GEN1: variants seen among roughly 807,000 people sequenced by gnomAD.
GEN1 encodes the protein GEN1 structure-specific endonuclease.
Under a neutral mutation model 67.6 loss-of-function variants are expected in GEN1, and 64 were observed. The ratio of observed to expected loss-of-function variants is 0.95; its 90% CI spans 0.77 to 1.17. The LOEUF (loss-of-function observed/expected upper bound fraction) is 1.17. Ranked by LOEUF, GEN1 falls within the 50% of genes most tolerant of loss-of-function variation. GEN1 has a pLI of 0.00. For missense variants in GEN1, 1,058 were observed against 1,048.3 expected, an observed-to-expected ratio of 1.01 and a Z score of -0.13; for synonymous variants, 371 against 359.4, an observed-to-expected ratio of 1.03 and a Z score of -0.37.
chr2:17,761,330 T>C, intron 2 of GEN1, 66 bp from the exon 3 acceptor site: 1 of 834,560 alleles, frequency 1.2e-6, no homozygotes, highest in Non-Finnish European at 1.9e-6. Context: ...TGCCTTTGTG[T>C]TATACTATTT....
At position 17,788,400 on chromosome 2, in the gene GEN1, C is replaced by G. The variant is rs915077713; in HGVS notation, c.*6461C>G. On this transcript the variant is annotated 3_prime_UTR_variant, in exon 14 of 14. Transcript: ENST00000381254. ...TTCAAAATGGATAGTTTAGTTAGCC[C>G]CAGGCCAGATAAATTCACTAAGTTG... The G allele has an allele frequency of 3.3e-5, 5 of 152,142 alleles. No individual in the cohort carries two copies. Among genetic ancestry groups the G allele is most frequent in the Non-Finnish European group, 7.3e-5 (5 of 68,030 alleles). The allele number at this position is 152,142 out of a possible 1,614,324, so 9.4% of individuals were successfully genotyped here.
intron 5 of GEN1, among the ~76,000 whole-genome samples, chr2:17,767,384 C>T (rs768016719): frequency 2.7e-4 from 41 of 152,100 alleles, no homozygotes; most frequent in Non-Finnish European, 3.7e-4. Context: ...CGTCATTTTA[C>T]CTCTATTCCC....
intron 6 of GEN1, 81 bp from the exon 7 acceptor site, chr2:17,771,115 A>T: frequency 1.2e-6 from 1 of 826,498 alleles, no homozygotes; most frequent in African/African-American, 1.7e-5. Flanking sequence ...GAAAGGGAAT[A>T]GATCAGCCTG....
intron 10 of GEN1, 26 bp from the exon 11 acceptor site, chr2:17,774,245 T>G (rs757921003): frequency 7.4e-7 from 1 of 1,348,492 alleles, no homozygotes; most frequent in Admixed American, 2.3e-5. Context: ...TAACAAAATC[T>G]TGTTTTATTT....
At chr2:17,772,496 A>G (rs1672237027) in intron 7 of GEN1, 138 bp from the exon 8 acceptor site, 2 of 593,404 alleles carry the variant, frequency 3.4e-6, no homozygotes, top group Non-Finnish European at 5.7e-6. Flanking sequence ...TCCTAAATGT[A>G]TTGAAACCTT....
chr2:17,779,350 A>T (rs1187483059), intron 12 of GEN1, among the ~76,000 whole-genome samples: 1 of 152,234 alleles, frequency 6.6e-6, no homozygotes, highest in Non-Finnish European at 1.5e-5. Context: ...CACTTAACTG[A>T]ATTAAACCAA....
intron 12 of GEN1, among the ~76,000 whole-genome samples, chr2:17,779,157 A>G (rs570272955): frequency 6.6e-6 from 1 of 152,332 alleles, no homozygotes; most frequent in East Asian, 1.9e-4. Context: ...CCCTGACCTC[A>G]GGTGTTCCAC....
chr2:17,755,832 C>T (rs1671409881), intron 1 of GEN1: 1 of 152,176 alleles, frequency 6.6e-6, no homozygotes, highest in Non-Finnish European at 1.5e-5. Context: ...GTGTTTTTCT[C>T]ACCTCATTCA....
rs770412900 is a variant in GEN1, at chr2:17,771,157, AT to A, written c.711-31del. 4.0e-5 allele frequency: 50 copies of A among 1,239,390 alleles called. No individual in the cohort carries two copies. The Admixed American group carries it at 4.1e-4, about 10-fold the overall frequency. 76.8% of individuals were successfully genotyped at this position (1,239,390 alleles called of 1,614,324 possible). A position where few individuals can be genotyped will look rare whatever the true frequency, so the allele number is the denominator to read the frequency against. On this transcript the variant is annotated intron_variant, in intron 6 of 13. Coordinates refer to ENST00000381254, the MANE Select transcript of GEN1 (RefSeq NM_001130009.3). Reference sequence around the variant, plus strand: ...GAGAACATACCGTTTTTGTGACCTCATTTTTTTTCCTTTTTTTAAAAACCAC... The same window carrying A: ...GAGAACATACCGTTTTTGTGACCTCATTTTTTTCCTTTTTTTAAAAACCAC...
At chr2:17,772,374 CTAAT>C (rs1387940020) in intron 7 of GEN1, among the ~76,000 whole-genome samples, 3 of 151,994 alleles carry the variant, frequency 2.0e-5, no homozygotes, top group African/African-American at 7.2e-5. Context: ...TTTCAAGTGT[CTAAT>C]TAACACTTTC....
chr2:17,756,022 T>C (rs1671419487), intron 1 of GEN1, among the ~76,000 whole-genome samples: 1 of 152,234 alleles, frequency 6.6e-6, no homozygotes. Flanking sequence ...CAATACTTTC[T>C]GAAATAGAGT....
chr2:17,778,642 A>G (rs947020432), intron 12 of GEN1, among the ~76,000 whole-genome samples: 12 of 152,258 alleles, frequency 7.9e-5, no homozygotes, highest in Non-Finnish European at 1.6e-4. Context: ...TGTTTAAGGA[A>G]GTAATACCGA....
At chr2:17,759,763 T>A in intron 1 of GEN1, 166 bp from the exon 2 acceptor site, 1 of 524,874 alleles carries the variant, frequency 1.9e-6, no homozygotes, top group Middle Eastern at 5.0e-4. Context: ...ACCGCCATTT[T>A]AACGTTTCAG....
At chr2:17,774,176 G>T in intron 10 of GEN1, 95 bp from the exon 11 acceptor site, 2 of 555,222 alleles carry the variant, frequency 3.6e-6, no homozygotes, top group Non-Finnish European at 2.8e-6. Flanking sequence ...TTTAACTTAC[G>T]TTAATTCTAA....
chr2:17,778,066 A>G lies in GEN1; in HGVS notation c.1264+3A>G. 1.3e-6 allele frequency: 2 copies of G among 1,571,058 alleles called. No homozygotes were observed. Among genetic ancestry groups the G allele is most frequent in the East Asian group, 4.5e-5 (2 of 44,152 alleles). On this transcript the variant is annotated splice_donor_region_variant and intron_variant, in intron 12 of 13. Coordinates refer to ENST00000381254, the MANE Select transcript of GEN1 (RefSeq NM_001130009.3). ...TGAAATAGAATGGGAAAAGCCTGGT[A>G]TGTATTCACTTTAAGCAAAATATTC... is the stretch of plus-strand genomic sequence containing the variant.
At position 17,781,251 on chromosome 2, in the gene GEN1, C is replaced by G. The variant is rs300169; in HGVS notation, c.2039C>G (p.Thr680Arg). Residue 680 changes from threonine (T) to arginine (R), a missense_variant, in exon 14 of 14, where the codon ACA becomes AGA. Physicochemically the swap from Thr to Arg is moderately conservative, Grantham distance 71. Coordinates refer to ENST00000381254, the MANE Select transcript of GEN1 (RefSeq NM_001130009.3). ...QDLPLKERIF[T>R]KLSYPQDNLQ... ...TTGCCTTTAAAGGAACGAATATTTA[C>G]AAAATTATCATATCCTCAGGATAAT... 6.2e-7 allele frequency: 1 copy of G among 1,613,290 alleles called. No homozygotes were observed. The highest frequency in any genetic ancestry group is 1.7e-5 in the Admixed American group (1 of 59,990).
rs139744901 is a variant in GEN1, at chr2:17,781,564, A to G, written c.2352A>G (p.Gln784=). The G allele has an allele frequency of 1.4e-4, 225 of 1,613,936 alleles. 1 individual carries two copies. The South Asian group carries it at 2.3e-3, about 17-fold the overall frequency. Residue 784 remains glutamine (Q), a synonymous_variant, in exon 14 of 14, where the codon CAA becomes CAG. Coordinates refer to ENST00000381254, the MANE Select transcript of GEN1 (RefSeq NM_001130009.3). The stretch of plus-strand genomic sequence containing the variant: ...ATCATAGTAGAAAAGTTGATATGCA[A>G]ACCACTCGGAAAATTTTAATGAAGA... ...ALDHSRKVDM[Q]TTRKILMKKS... is the part of the protein sequence containing the mutation.
intron 2 of GEN1, among the ~76,000 whole-genome samples, chr2:17,761,037 C>A (rs111384209): frequency 0.037 from 5,619 of 152,088 alleles, 124 homozygotes; most frequent in Non-Finnish European, 0.042. Context: ...TCAAGACCAG[C>A]CTGGGCAACA....
chr2:17,772,960 A>T, intron 8 of GEN1, 136 bp from the exon 9 acceptor site: 1 of 802,382 alleles, frequency 1.2e-6, no homozygotes, highest in Non-Finnish European at 2.0e-6. Context: ...TGTAATAGTT[A>T]TTCAAAGGGA....
Sources: gnomAD v4.1 joint callset for allele counts (sites outside exome capture counted in the v4.1 genomes callset) on GRCh38, gnomAD v4.1.1 for gene constraint, MANE v1.5 for transcripts, NCBI Gene and HGNC (gene_info 2026-07-23, HGNC 2026-07-21) for gene names.